Variants in WDFY4 observed in about 807,000 individuals in gnomAD.
WDFY4 encodes the protein WD repeat- and FYVE domain-containing protein 4.
Under a neutral mutation model 351.9 loss-of-function variants are expected in WDFY4, and 169 were observed. The ratio of observed to expected loss-of-function variants is 0.48; its 90% CI spans 0.42 to 0.55. The LOEUF is 0.55. Ranked by LOEUF, WDFY4 falls within the 20% of genes least tolerant of loss-of-function variation. The pLI is 0.00. For synonymous variants in WDFY4, 1,622 were observed against 1,574.6 expected, an observed-to-expected ratio of 1.03 and a Z score of -0.71; for missense variants, 3,803 against 3,935.6, an observed-to-expected ratio of 0.97 and a Z score of 0.90.
At chr10:48,822,251 C>T (rs899966871) in intron 34 of WDFY4, 129 bp from the exon 35 acceptor site, 11 of 1,045,292 alleles carry the variant, frequency 1.1e-5, no homozygotes, top group African/African-American at 6.5e-5. Context: ...CAGTACAAGA[C>T]TCCATCTTTG....
At chr10:48,924,989 T>C (rs1839446727) in intron 47 of WDFY4, among the ~76,000 whole-genome samples, 1 of 152,218 alleles carries the variant, frequency 6.6e-6, no homozygotes, top group Non-Finnish European at 1.5e-5. Context: ...GATAGACACA[T>C]GGAACTGAAA....
chr10:48,720,561 AC>A (rs2064050706), intron 3 of WDFY4, among the ~76,000 whole-genome samples: 1 of 151,832 alleles, frequency 6.6e-6, no homozygotes, highest in African/African-American at 2.4e-5. Context: ...GAAACTACAC[AC>A]AGACACACAC....
In WDFY4 at chr10:48,974,850, C is replaced by A. The variant is rs1409424587; in HGVS notation, c.8929-12C>A. On this transcript the variant is annotated splice_polypyrimidine_tract_variant and intron_variant, in intron 57 of 61. Transcript: ENST00000325239. ...AGGGTCCCTCTCCTAACCTGTGAGT[C>A]TCTGTCCCCAGGCCTTGTATGGACA... 4 of 1,527,874 alleles carry A rather than the reference C, an allele frequency of 2.6e-6. No individual in the cohort carries two copies. The highest frequency in any genetic ancestry group is 1.8e-6 in the Non-Finnish European group (2 of 1,132,932). 94.6% of individuals were successfully genotyped at this position (1,527,874 alleles called of 1,614,324 possible).
At chr10:48,860,446 GGA>G (rs1226980442) in intron 39 of WDFY4, among the ~76,000 whole-genome samples, 1 of 152,156 alleles carries the variant, frequency 6.6e-6, no homozygotes, top group Non-Finnish European at 1.5e-5. Flanking sequence ...CTCACATGGT[GGA>G]GAGAGAAAGC....
rs539358549 is a variant in WDFY4, at chr10:48,731,382, C to A, written c.1402C>A (p.Arg468=). The A allele has an allele frequency of 1.8e-4, 280 of 1,551,742 alleles. No individual in the cohort carries two copies. The highest frequency in any genetic ancestry group is 1.2e-3 in the Middle Eastern group (7 of 5,992). The change falls in exon 9 of 62, where the codon CGA becomes AGA. Residue 468 remains arginine (R), a synonymous_variant. Coordinates refer to ENST00000325239, the MANE Select transcript of WDFY4 (RefSeq NM_001394531.1). ...GCACTACGTGCCTCATGAGATCCTG[C>A]GAAAGGTACAGCATCTGATCAAGGA... ...ELHYVPHEIL[R]KVQHLIKESP...
chr10:48,813,998 C>T lies in WDFY4; in HGVS notation c.5256C>T (p.His1752=), dbSNP rs1440112872. ...DAMLQWLLQR[H]HQEEVLQAGL... is the part of the protein sequence containing the mutation. Reference sequence around the variant, plus strand: ...TGCTTCAGTGGCTCCTGCAGAGGCACCACCAGGAAGAAGTCCTCCAGGCTG... The same window carrying T: ...TGCTTCAGTGGCTCCTGCAGAGGCATCACCAGGAAGAAGTCCTCCAGGCTG... Residue 1752 remains histidine, a synonymous_variant, in exon 31 of 62, where the codon CAC becomes CAT. Coordinates refer to ENST00000325239, the MANE Select transcript of WDFY4 (RefSeq NM_001394531.1). 11 of 1,550,524 alleles carry T rather than the reference C, an allele frequency of 7.1e-6. No individual in the cohort carries two copies.
intron 11 of WDFY4, among the ~76,000 whole-genome samples, chr10:48,740,758 C>T (rs1361490244): frequency 6.6e-6 from 1 of 152,212 alleles, no homozygotes; most frequent in Non-Finnish European, 1.5e-5. Context: ...CCACGATTCA[C>T]ACTTGACTGC....
chr10:48,819,884 C>T lies in WDFY4; in HGVS notation c.5506-350C>T, dbSNP rs114798714. Among the ~76,000 whole-genome samples, 238 of 152,272 alleles carry T rather than the reference C, an allele frequency of 1.6e-3. 1 individual carries two copies. Among genetic ancestry groups the T allele is most frequent in the African/African-American group, 5.3e-3 (219 of 41,556 alleles). On this transcript the variant is annotated intron_variant, in intron 32 of 61. Coordinates refer to ENST00000325239, the MANE Select transcript of WDFY4 (RefSeq NM_001394531.1). ...TTCTCTCATGTCATTCTCCCAGATC[C>T]GGTGTCAGATGGTTTTTATTGTCTC... is the stretch of plus-strand genomic sequence containing the variant.
Position 48,888,455 on chromosome 10 carries a change from A to C in WDFY4, c.7168-2124A>C, listed in dbSNP as rs368126354. On this transcript the variant is annotated intron_variant, in intron 43 of 61. Transcript: ENST00000325239. ...CCCTCTGCATTCTGCCATCCATCCC[A>C]GACCACTGAAATAGCAACACAACGG... 4.6e-5 allele frequency among the ~76,000 whole-genome samples: 7 copies of C among 152,044 alleles called. No individual in the cohort carries two copies. In the East Asian group the frequency reaches 9.6e-4, roughly 21 times the overall value.
At chr10:48,960,305 G>A (rs577645757) in intron 53 of WDFY4, among the ~76,000 whole-genome samples, 1 of 152,348 alleles carries the variant, frequency 6.6e-6, no homozygotes, top group Admixed American at 6.5e-5. Context: ...TTAAGCACAT[G>A]AAAGACGTTC....
chr10:48,884,840 G>C (rs1290906965), intron 43 of WDFY4, among the ~76,000 whole-genome samples: 2 of 152,144 alleles, frequency 1.3e-5, no homozygotes, highest in Non-Finnish European at 2.9e-5. Context: ...ACACACTCCT[G>C]TGTGCTCCCA....
chr10:48,821,665 G>A (rs755789327), intron 34 of WDFY4, among the ~76,000 whole-genome samples: 1 of 152,186 alleles, frequency 6.6e-6, no homozygotes, highest in Non-Finnish European at 1.5e-5. Flanking sequence ...TTTTCAACAA[G>A]CCTAAACAAA....
chr10:48,981,544 CAGTGGCTCTGAGTCCAGGCCACCT>C, intron 61 of WDFY4, 66 bp downstream of exon 61: 1 of 1,483,068 alleles, frequency 6.7e-7, no homozygotes, highest in Non-Finnish European at 9.2e-7. Context: ...AGGAAAGCCC[CAGTGGCTCTGAGTCCAGGCCACCT>C]GGCCGAGGAG....
chr10:48,873,193 AG>A (rs1313944719), intron 40 of WDFY4, among the ~76,000 whole-genome samples: 1 of 152,252 alleles, frequency 6.6e-6, no homozygotes, highest in African/African-American at 2.4e-5. Context: ...GAGCTGCTAC[AG>A]GACCTTCCAG....
intron 44 of WDFY4, among the ~76,000 whole-genome samples, chr10:48,893,387 G>C (rs896332276): frequency 6.6e-6 from 1 of 152,162 alleles, no homozygotes; most frequent in Admixed American, 6.5e-5. Context: ...TCTTTTGGGG[G>C]ACACGGTTCT....
rs549213193 is a variant in WDFY4, at chr10:48,774,749, A to G, written c.2768+77A>G. 8.0e-6 allele frequency: 12 copies of G among 1,501,046 alleles called. No individual in the cohort carries two copies. The East Asian group carries it at 3.0e-4, about 37-fold the overall frequency. The allele number at this position is 1,501,046 out of a possible 1,614,324, so 93.0% of individuals were successfully genotyped here. ...GCAGGGCAGGGGTTGCACAATGGGC[A>G]GTGGAGAGACTGCAGGGACAGATGG... On this transcript the variant is annotated intron_variant, in intron 14 of 61. Transcript: ENST00000325239.
chr10:48,874,511 C>A (rs1046731737), intron 41 of WDFY4, among the ~76,000 whole-genome samples: 1 of 152,054 alleles, frequency 6.6e-6, no homozygotes, highest in Non-Finnish European at 1.5e-5. Context: ...TTTACTCATG[C>A]TAAAAATCCT....
chr10:48,872,909 G>A (rs916970080), intron 40 of WDFY4, among the ~76,000 whole-genome samples: 7 of 152,196 alleles, frequency 4.6e-5, no homozygotes, highest in African/African-American at 1.7e-4. Flanking sequence ...AGGATTGAAA[G>A]GCCCTTAGAC....
chr10:48,774,658 A>G lies in WDFY4; in HGVS notation c.2754A>G (p.Glu918=), dbSNP rs1667859556. ...AGAAGCTCGCTTCCCAGGCCATTGA[A>G]CCGGATGTGCTAAGGTACCACATGC... is the stretch of plus-strand genomic sequence containing the variant. ...IFEKLASQAI[E]PDVLRQFLGL... The change falls in exon 14 of 62, where the codon GAA becomes GAG. Residue 918 remains glutamate, a synonymous_variant. Coordinates refer to ENST00000325239, the MANE Select transcript of WDFY4 (RefSeq NM_001394531.1). 1 of 1,551,582 alleles carries G rather than the reference A, an allele frequency of 6.4e-7. No individual in the cohort carries two copies. Among genetic ancestry groups the G allele is most frequent in the South Asian group, 1.2e-5 (1 of 84,064 alleles).
Sources: allele counts gnomAD v4.1 joint callset (sites outside exome capture counted in the v4.1 genomes callset), GRCh38; gene constraint gnomAD v4.1.1; transcripts MANE v1.5; gene names NCBI Gene and HGNC (gene_info 2026-07-23, HGNC 2026-07-21).